PARD3B: variants seen among roughly 807,000 people sequenced by gnomAD.
PARD3B encodes partitioning defective 3 homolog B.
A neutral mutation model predicts 130.2 loss-of-function variants in PARD3B; 103 were observed. The observed-to-expected ratio is 0.79, with a 90% CI of 0.67 to 0.93. PARD3B has a LOEUF of 0.93. PARD3B is among the 40% of genes least tolerant of loss of function. The pLI is 0.00. For missense variants in PARD3B, 1,609 were observed against 1,499.2 expected (o/e 1.07, Z -1.21); for synonymous variants, 583 against 553.2 (o/e 1.05, Z -0.76).
At chr2:205,012,625 C>CA (rs1233626741) in intron 3 of PARD3B, among the ~76,000 whole-genome samples, 1 of 152,174 alleles carries the variant, frequency 6.6e-6, no homozygotes, top group East Asian at 1.9e-4. Context: ...TGGACTGTTG[C>CA]TTAAAAGTAC....
intron 19 of PARD3B, among the ~76,000 whole-genome samples, chr2:205,422,404 AT>A (rs2047000786): frequency 6.6e-6 from 1 of 152,188 alleles, no homozygotes; most frequent in South Asian, 2.1e-4. Flanking sequence ...ACAGTTAAAT[AT>A]TTACTGTTTA....
intron 2 of PARD3B, among the ~76,000 whole-genome samples, chr2:204,782,495 T>C (rs1236472225): frequency 6.7e-6 from 1 of 150,362 alleles, no homozygotes; most frequent in Non-Finnish European, 1.5e-5. Context: ...TAATATATAG[T>C]ATATTCATGT....
intron 20 of PARD3B, among the ~76,000 whole-genome samples, chr2:205,476,736 C>G (rs1489266223): frequency 6.6e-6 from 1 of 152,078 alleles, no homozygotes; most frequent in Non-Finnish European, 1.5e-5. Flanking sequence ...CCCACATGAA[C>G]CATTTCTCTT....
intron 1 of PARD3B, among the ~76,000 whole-genome samples, chr2:204,665,949 T>A (rs2036003455): frequency 6.6e-6 from 1 of 152,208 alleles, no homozygotes; most frequent in Non-Finnish European, 1.5e-5. Flanking sequence ...TATGGAATGA[T>A]GAATGAGTTT....
chr2:204,764,838 A>G (rs1488559452), intron 2 of PARD3B, among the ~76,000 whole-genome samples: 1 of 151,896 alleles, frequency 6.6e-6, no homozygotes, highest in Non-Finnish European at 1.5e-5. Context: ...TAAACCTCAT[A>G]TTTAAATTCA....
At chr2:204,642,392 G>C (rs58798694) in intron 1 of PARD3B, among the ~76,000 whole-genome samples, 12,426 of 152,182 alleles carry the variant, frequency 0.082, 1,006 homozygotes, top group African/African-American at 0.21. Flanking sequence ...CTGTTTATTA[G>C]CTATACCTAG....
chr2:204,855,016 A>G (rs1256286847), intron 2 of PARD3B, among the ~76,000 whole-genome samples: 1 of 152,146 alleles, frequency 6.6e-6, no homozygotes, highest in African/African-American at 2.4e-5. Flanking sequence ...TCTGATTTAC[A>G]TAGGGCTCAC....
intron 21 of PARD3B, among the ~76,000 whole-genome samples, chr2:205,502,004 A>G (rs2050175264): frequency 6.6e-6 from 1 of 152,032 alleles, no homozygotes; most frequent in Admixed American, 6.6e-5. Context: ...AGGCTTCCCA[A>G]AGGGATGCTT....
At chr2:204,706,070 G>T (rs1455531773) in intron 2 of PARD3B, among the ~76,000 whole-genome samples, 1 of 152,124 alleles carries the variant, frequency 6.6e-6, no homozygotes, top group Non-Finnish European at 1.5e-5. Flanking sequence ...GTGTAGTTTT[G>T]CATGTCTTTG....
chr2:204,710,885 C>T (rs73059082), intron 2 of PARD3B, among the ~76,000 whole-genome samples: 41,299 of 152,012 alleles, frequency 0.27, 6,913 homozygotes, highest in African/African-American at 0.48. Flanking sequence ...GTCCTTCAAG[C>T]TCTGAACTGC....
intron 18 of PARD3B, among the ~76,000 whole-genome samples, chr2:205,327,395 T>A (rs2042973151): frequency 6.6e-6 from 1 of 152,224 alleles, no homozygotes; most frequent in Non-Finnish European, 1.5e-5. Flanking sequence ...CTAACTCCCT[T>A]ATATTATTAG....
intron 2 of PARD3B, among the ~76,000 whole-genome samples, chr2:204,904,534 C>G (rs1158862297): frequency 1.3e-5 from 2 of 152,008 alleles, no homozygotes; most frequent in Non-Finnish European, 2.9e-5. Context: ...ATATTTATAT[C>G]TACTATGTAC....
chr2:205,014,678 A>ATACTCTC (rs2125316893), intron 3 of PARD3B, among the ~76,000 whole-genome samples: 1 of 152,342 alleles, frequency 6.6e-6, no homozygotes, highest in South Asian at 2.1e-4. Context: ...GCTAGAGAGT[A>ATACTCTC]TAGCACAGAA....
At chr2:205,420,552 T>G (rs549744698) in intron 19 of PARD3B, among the ~76,000 whole-genome samples, 1 of 152,126 alleles carries the variant, frequency 6.6e-6, no homozygotes, top group Non-Finnish European at 1.5e-5. Flanking sequence ...GCAGGTCTAC[T>G]CTGAAAAAGG....
intron 18 of PARD3B, among the ~76,000 whole-genome samples, chr2:205,337,977 G>C (rs574741478): frequency 1.3e-5 from 2 of 151,522 alleles, no homozygotes; most frequent in African/African-American, 4.8e-5. Flanking sequence ...GTGAAACCCC[G>C]TCTCTACTTT....
chr2:204,859,094 T>C (rs2045077570), intron 2 of PARD3B, among the ~76,000 whole-genome samples: 1 of 152,012 alleles, frequency 6.6e-6, no homozygotes, highest in Non-Finnish European at 1.5e-5. Flanking sequence ...TTAAATATAG[T>C]ATGCTTCAAG....
intron 1 of PARD3B, among the ~76,000 whole-genome samples, chr2:204,575,923 C>T (rs961453093): frequency 2.6e-5 from 4 of 152,118 alleles, no homozygotes; most frequent in African/African-American, 9.7e-5. Flanking sequence ...GCGGTTCTTG[C>T]CCTTGCTATG....
chr2:205,583,441 C>T (rs1478380183), intron 22 of PARD3B, among the ~76,000 whole-genome samples: 2 of 151,450 alleles, frequency 1.3e-5, no homozygotes, highest in Non-Finnish European at 2.9e-5. Flanking sequence ...GAGAGATGCA[C>T]ATACTACTCT....
At chr2:205,385,783 A>G (rs191631029) in intron 18 of PARD3B, among the ~76,000 whole-genome samples, 22 of 152,284 alleles carry the variant, frequency 1.4e-4, no homozygotes, top group African/African-American at 5.1e-4. Context: ...TAAGGTAGCT[A>G]CATTAATTAA....
Sources: allele counts gnomAD v4.1 joint callset (sites outside exome capture counted in the v4.1 genomes callset), GRCh38; gene constraint gnomAD v4.1.1; transcripts MANE v1.5; gene names NCBI Gene and HGNC (gene_info 2026-07-23, HGNC 2026-07-21).